The following RNF144A variants were observed in gnomAD, a reference collection of about 807,000 sequenced individuals.
RNF144A encodes E3 ubiquitin-protein ligase RNF144A.
In RNF144A, 11 loss-of-function variants were observed where a neutral mutation model predicts 38.7. That is an observed-to-expected ratio of 0.28 (90% CI 0.18 to 0.47). The LOEUF (loss-of-function observed/expected upper bound fraction) is 0.47, where lower values mean the gene tolerates loss of function less well. Among genes scored for constraint, RNF144A ranks in the 20% least tolerant of loss-of-function variants. The pLI, the probability that RNF144A is intolerant of heterozygous loss-of-function variation, is 0.99. For missense variants in RNF144A, 316 were observed against 377.2 expected (o/e 0.84, Z 1.34); for synonymous variants, 149 against 143.9 (o/e 1.04, Z -0.25).
rs1305343985 is a variant in RNF144A, at chr2:6,917,460, G to A, written c.-374G>A. ...CCGCGCAGCCGCTTCTCCCCGCGCG[G>A]GCTCTCGGCAGGCGGGAGGCGGCAG... On this transcript the variant is annotated 5_prime_UTR_variant, in exon 1 of 9. Transcript: ENST00000320892. The surrounding 1 kb of genome is among the most constrained non-coding windows in gnomAD (Gnocchi z 4.8). 16 of 147,058 alleles carry A rather than the reference G, an allele frequency of 1.1e-4. No homozygotes were observed. The highest frequency in any genetic ancestry group is 1.7e-4 in the Non-Finnish European group (11 of 66,124). The allele number at this position is 147,058 out of a possible 1,614,324, so 9.1% of individuals were successfully genotyped here.
chr2:7,049,646 A>G, intron 6 of RNF144A, among the ~76,000 whole-genome samples: 1 of 152,254 alleles, frequency 6.6e-6, no homozygotes, highest in Admixed American at 6.5e-5. Context: ...GTTGGTGCAC[A>G]ATGAATGTTA....
intron 2 of RNF144A, 162 bp from the exon 3 acceptor site, chr2:6,996,754 A>G: frequency 1.4e-6 from 1 of 723,748 alleles, no homozygotes; most frequent in Non-Finnish European, 2.2e-6. Context: ...CTCCATCTCA[A>G]AAAAAACCAA....
intron 8 of RNF144A, among the ~76,000 whole-genome samples, chr2:7,032,246 G>A (rs925354401): frequency 3.3e-5 from 5 of 150,270 alleles, no homozygotes; most frequent in Non-Finnish European, 6.0e-5. Flanking sequence ...TGGAATCCGC[G>A]CCCCTTGCAG....
In RNF144A at chr2:7,040,905, T is replaced by A; in HGVS notation, c.*1145T>A. 1 of 985,454 alleles carries A rather than the reference T, an allele frequency of 1.0e-6. No homozygotes were observed. Among genetic ancestry groups the A allele is most frequent in the Non-Finnish European group, 1.2e-6 (1 of 829,944 alleles). 61.0% of individuals were successfully genotyped at this position (985,454 alleles called of 1,614,324 possible). On this transcript the variant is annotated 3_prime_UTR_variant, in exon 9 of 9. Coordinates refer to ENST00000320892, the MANE Select transcript of RNF144A (RefSeq NM_014746.6). ...GAAAAGAACCTCCCATTTCACTTCG[T>A]TTTAACGTGGGGATTTTACCACTTG...
downstream of RNF144A, among the ~76,000 whole-genome samples, chr2:7,069,659 C>T (rs957686730): frequency 6.6e-6 from 1 of 152,106 alleles, no homozygotes; most frequent in African/African-American, 2.4e-5. Flanking sequence ...TGTAAATAAA[C>T]ACAAGGTAAT....
At chr2:7,047,132 AT>A (rs1354069767), downstream of RNF144A, among the ~76,000 whole-genome samples, 1 of 152,154 alleles carries the variant, frequency 6.6e-6, no homozygotes, top group Non-Finnish European at 1.5e-5. Flanking sequence ...AGGTTTTCAT[AT>A]TTGCCTGCTG....
At chr2:7,013,198 A>T (rs2460401) in intron 3 of RNF144A, among the ~76,000 whole-genome samples, 4 of 152,158 alleles carry the variant, frequency 2.6e-5, no homozygotes, top group Middle Eastern at 3.4e-3. Context: ...ATACTTTTTC[A>T]CTTGCCTAAT....
chr2:7,047,433 A>C (rs1425372506), downstream of RNF144A, among the ~76,000 whole-genome samples: 1 of 152,224 alleles, frequency 6.6e-6, no homozygotes, highest in Non-Finnish European at 1.5e-5. Flanking sequence ...GTGGCTTCTT[A>C]AATGGCAGTG....
chr2:7,033,684 G>T (rs1337287615), intron 8 of RNF144A, among the ~76,000 whole-genome samples: 1 of 152,156 alleles, frequency 6.6e-6, no homozygotes, highest in East Asian at 1.9e-4. Context: ...TGTCATCCAA[G>T]AAGAGCCCTC....
At chr2:7,050,767 T>G (rs1673489292) in intron 6 of RNF144A, among the ~76,000 whole-genome samples, 1 of 152,202 alleles carries the variant, frequency 6.6e-6, no homozygotes. Flanking sequence ...GCTCCCTCAC[T>G]GGCCTCCATG....
chr2:6,993,014 G>A (rs1342147863), intron 2 of RNF144A, among the ~76,000 whole-genome samples: 1 of 152,138 alleles, frequency 6.6e-6, no homozygotes, highest in East Asian at 1.9e-4. Context: ...TTCTTTTATT[G>A]TGCATTGTGA....
chr2:7,037,689 G>A (rs1358436036), intron 8 of RNF144A, among the ~76,000 whole-genome samples: 1 of 152,232 alleles, frequency 6.6e-6, no homozygotes, highest in African/African-American at 2.4e-5. Flanking sequence ...ACGTGTGCAT[G>A]TGTTGGTGTT....
intron 7 of RNF144A, among the ~76,000 whole-genome samples, chr2:7,029,478 G>T (rs1558446548): frequency 6.6e-6 from 1 of 152,222 alleles, no homozygotes; most frequent in Non-Finnish European, 1.5e-5. Context: ...TTCCTGGAGT[G>T]CAGAGAACTG....
chr2:6,997,023 A>G lies in RNF144A; in HGVS notation c.97A>G (p.Thr33Ala). The change falls in exon 3 of 9, where the codon ACA becomes GCA. Residue 33 changes from threonine (T) to alanine (A), a missense_variant. Thr to Ala is a moderately conservative substitution (Grantham distance 58). Coordinates refer to ENST00000320892, the MANE Select transcript of RNF144A (RefSeq NM_014746.6). ...TGGGGAGTACCCAGTGGAGCAGATG[A>G]CAACCATAGCCCAGTGCCAATGCAT... The part of the protein sequence containing the change: ...CLGEYPVEQM[T>A]TIAQCQCIFC... The G allele has an allele frequency of 1.2e-6, 2 of 1,614,194 alleles. No homozygotes were observed. The highest frequency in any genetic ancestry group is 1.7e-6 in the Non-Finnish European group (2 of 1,180,012).
chr2:6,983,426 G>C (rs1205740422), intron 2 of RNF144A, among the ~76,000 whole-genome samples: 1 of 152,182 alleles, frequency 6.6e-6, no homozygotes, highest in East Asian at 1.9e-4. Flanking sequence ...TTATCTGGTA[G>C]TGAGGTTTAC....
At chr2:7,072,890 G>A (rs1255636661), downstream of RNF144A, among the ~76,000 whole-genome samples, 1 of 152,158 alleles carries the variant, frequency 6.6e-6, no homozygotes, top group Non-Finnish European at 1.5e-5. Flanking sequence ...ACCTCAAATG[G>A]GCTGAGCTGA....
intron 3 of RNF144A, among the ~76,000 whole-genome samples, chr2:7,005,076 C>T (rs1193103208): frequency 1.3e-5 from 2 of 152,154 alleles, no homozygotes; most frequent in African/African-American, 2.4e-5. Flanking sequence ...GAAATCATAG[C>T]GTCGTCAGAT....
In RNF144A at chr2:7,057,873, C is replaced by T. The variant is rs148493815; in HGVS notation, c.735-10343C>T. On this transcript the variant is annotated intron_variant, in intron 6 of 6. Coordinates refer to the RNF144A transcript ENST00000432850. The stretch of plus-strand genomic sequence containing the variant: ...TGTTAAGCAGAGATTTATTAGTGGA[C>T]ACAATGTAGTCAGCAAAGAGGCAGT... Among the ~76,000 whole-genome samples, 338 of 152,206 alleles carry T rather than the reference C, an allele frequency of 2.2e-3. 2 individuals are homozygous for T. The highest frequency in any genetic ancestry group is 0.017 in the Middle Eastern group (5 of 294).
chr2:6,921,540 T>A (rs1664539592), intron 1 of RNF144A, among the ~76,000 whole-genome samples: 2 of 152,168 alleles, frequency 1.3e-5, no homozygotes, highest in African/African-American at 4.8e-5. Flanking sequence ...AGCAGGGATG[T>A]TGTCCAACAT....
Sources: allele counts gnomAD v4.1 joint callset (sites outside exome capture counted in the v4.1 genomes callset), GRCh38; gene constraint gnomAD v4.1.1; non-coding constraint Gnocchi (gnomAD v3.1); transcripts MANE v1.5; gene names NCBI Gene and HGNC (gene_info 2026-07-23, HGNC 2026-07-21).